UVRAG: variants seen among roughly 807,000 people sequenced by gnomAD.
UVRAG encodes UV radiation resistance-associated gene protein.
Under a neutral mutation model 78.0 loss-of-function variants are expected in UVRAG, and 19 were observed. That is an observed-to-expected ratio of 0.24 (90% confidence interval 0.17 to 0.36). The LOEUF (loss-of-function observed/expected upper bound fraction) is 0.36. Ranked by LOEUF, UVRAG falls within the 10% of genes least tolerant of loss-of-function variation. The pLI is 1.00. For synonymous variants in UVRAG, 323 were observed against 324.6 expected (o/e 1.00, Z 0.05); for missense variants, 740 against 853.8 (o/e 0.87, Z 1.66).
intron 2 of UVRAG, among the ~76,000 whole-genome samples, chr11:75,856,371 C>T (rs919057773): frequency 7.2e-5 from 11 of 152,026 alleles, no homozygotes; most frequent in African/African-American, 2.7e-4. Flanking sequence ...CCTGGAATAC[C>T]GACTGTCTTG....
At chr11:75,930,616 C>T (rs1022991732) in intron 6 of UVRAG, among the ~76,000 whole-genome samples, 8 of 152,162 alleles carry the variant, frequency 5.3e-5, no homozygotes, top group South Asian at 2.1e-4. Flanking sequence ...TGCTTCAACA[C>T]GGAGCTGTCC....
chr11:76,012,890 C>T (rs1273406218), intron 11 of UVRAG: 3 of 149,942 alleles, frequency 2.0e-5, no homozygotes, highest in African/African-American at 7.4e-5. Flanking sequence ...GGTAATGAGA[C>T]CCAGATTTCC....
At chr11:76,012,881 G>A (rs983609767) in intron 11 of UVRAG, 1 of 147,386 alleles carries the variant, frequency 6.8e-6, no homozygotes, top group African/African-American at 2.5e-5. Context: ...GCCTTTTGTG[G>A]TAATGAGACC....
intron 14 of UVRAG, among the ~76,000 whole-genome samples, chr11:76,122,588 T>C (rs923673395): frequency 6.6e-6 from 1 of 152,238 alleles, no homozygotes. Flanking sequence ...TCTATATCTT[T>C]TTAAAATCAA....
intron 1 of UVRAG, among the ~76,000 whole-genome samples, chr11:75,828,106 T>G (rs1047074076): frequency 3.9e-5 from 6 of 152,210 alleles, no homozygotes; most frequent in Non-Finnish European, 5.9e-5. Flanking sequence ...TAGGATAATT[T>G]ACAGGACTAT....
chr11:75,926,129 G>A (rs1948098235), intron 6 of UVRAG, among the ~76,000 whole-genome samples: 2 of 151,974 alleles, frequency 1.3e-5, no homozygotes, highest in South Asian at 4.2e-4. Flanking sequence ...TTTCCTAATA[G>A]GCTTTCCTGG....
intron 1 of UVRAG, among the ~76,000 whole-genome samples, chr11:75,850,177 G>A (rs533904595): frequency 3.3e-5 from 5 of 152,202 alleles, no homozygotes; most frequent in African/African-American, 9.7e-5. Context: ...TTTGCAAAGG[G>A]TGTAGCCTTT....
intron 8 of UVRAG, among the ~76,000 whole-genome samples, chr11:75,990,878 C>T (rs1949592229): frequency 6.6e-6 from 1 of 152,102 alleles, no homozygotes; most frequent in African/African-American, 2.4e-5. Flanking sequence ...TGGTATAGTA[C>T]CTGGGATATA....
intron 13 of UVRAG, among the ~76,000 whole-genome samples, chr11:76,067,722 C>T (rs973980399): frequency 1.3e-5 from 2 of 151,928 alleles, no homozygotes; most frequent in African/African-American, 4.8e-5. Flanking sequence ...CGTGCCAGTG[C>T]ACTTCCAGCC....
intron 7 of UVRAG, among the ~76,000 whole-genome samples, chr11:75,968,898 T>C (rs1949075074): frequency 6.6e-6 from 1 of 152,256 alleles, no homozygotes; most frequent in South Asian, 2.1e-4. Flanking sequence ...ATTATACTAT[T>C]GCATTGCTAA....
At chr11:75,870,583 G>C (rs61892923) in intron 3 of UVRAG, among the ~76,000 whole-genome samples, 15 of 152,062 alleles carry the variant, frequency 9.9e-5, no homozygotes, top group Non-Finnish European at 2.2e-4. Flanking sequence ...CTTATTGAAA[G>C]GTGGTCTTAA....
intron 6 of UVRAG, among the ~76,000 whole-genome samples, chr11:75,925,100 C>G (rs1375297101): frequency 6.6e-6 from 1 of 152,182 alleles, no homozygotes; most frequent in African/African-American, 2.4e-5. Context: ...ACTAAGACTG[C>G]TTTGTTTGAG....
At chr11:76,109,490 T>C (rs1021551221) in intron 13 of UVRAG, among the ~76,000 whole-genome samples, 8 of 152,236 alleles carry the variant, frequency 5.3e-5, no homozygotes, top group African/African-American at 1.9e-4. Flanking sequence ...CTCTTACAAC[T>C]ATCTTATGAG....
chr11:75,965,405 G>A (rs969503923), intron 7 of UVRAG, among the ~76,000 whole-genome samples: 49 of 152,262 alleles, frequency 3.2e-4, no homozygotes, highest in African/African-American at 8.7e-4. Context: ...TCCGACTTCC[G>A]GGTTCACACC....
In UVRAG at chr11:75,873,580, C is replaced by G. The variant is rs116483858; in HGVS notation, c.271-6299C>G. ...GTGGGGGTAGAGGCAGGGAGGGGGT[C>G]CCACCAGAGGCTCTCAGCTTCCTCA... is the stretch of plus-strand genomic sequence containing the variant. On this transcript the variant is annotated intron_variant, in intron 3 of 14. Transcript: ENST00000356136. Among the ~76,000 whole-genome samples the G allele has an allele frequency of 4.7e-3, 716 of 152,164 alleles. 5 individuals carry two copies. Among genetic ancestry groups the G allele is most frequent in the African/African-American group, 0.017 (689 of 41,494 alleles).
At chr11:75,961,386 G>C (rs891220668) in intron 6 of UVRAG, 58 bp from the exon 7 acceptor site, 2 of 1,342,978 alleles carry the variant, frequency 1.5e-6, no homozygotes. Context: ...TATATCTGAG[G>C]CTCTTTGTTG....
rs111510978 is a variant in UVRAG, at chr11:75,970,657, C to T, written c.699+9108C>T. ...CTGAGGCAGGAGAATGGTGTGAACC[C>T]GGGAGGCAGAGCTTGCAGTGAGCTG... On this transcript the variant is annotated intron_variant, in intron 7 of 14. Coordinates refer to ENST00000356136, the MANE Select transcript of UVRAG (RefSeq NM_003369.4). Among the ~76,000 whole-genome samples the T allele has an allele frequency of 2.5e-3, 378 of 149,214 alleles. 1 individual carries two copies. The highest frequency in any genetic ancestry group is 9.0e-3 in the African/African-American group (361 of 40,124).
intron 1 of UVRAG, among the ~76,000 whole-genome samples, chr11:75,823,011 T>C (rs7118055): frequency 0.026 from 3,955 of 152,140 alleles, 162 homozygotes; most frequent in African/African-American, 0.086. Flanking sequence ...AGTTGTCTCA[T>C]TAGAACAAAG....
At chr11:75,997,938 G>C (rs1949737997) in intron 8 of UVRAG, among the ~76,000 whole-genome samples, 1 of 152,190 alleles carries the variant, frequency 6.6e-6, no homozygotes, top group Admixed American at 6.5e-5. Flanking sequence ...ATGGATTCCT[G>C]ACCTGCTTAG....
Sources: allele counts gnomAD v4.1 joint callset (sites outside exome capture counted in the v4.1 genomes callset), GRCh38; gene constraint gnomAD v4.1.1; transcripts MANE v1.5; gene names NCBI Gene and HGNC (gene_info 2026-07-23, HGNC 2026-07-21).